Variants in MARCHF10 observed in about 807,000 individuals in gnomAD.
MARCHF10 encodes probable E3 ubiquitin-protein ligase MARCHF10.
A neutral mutation model predicts 76.2 loss-of-function variants in MARCHF10; 64 were observed. The observed-to-expected ratio is 0.84, with a 90% CI of 0.69 to 1.03. The LOEUF is 1.03. MARCHF10 is among the 50% of genes least tolerant of loss of function. MARCHF10 has a pLI of 0.00. For missense variants in MARCHF10, 875 were observed against 958.0 expected (o/e 0.91, Z 1.14); for synonymous variants, 340 against 357.5 (o/e 0.95, Z 0.55).
Position 62,744,431 on chromosome 17 carries a change from G to T in MARCHF10, c.480C>A (p.Asp160Glu), listed in dbSNP as rs779982872. The T allele has an allele frequency of 1.9e-6, 3 of 1,614,046 alleles. No individual in the cohort carries two copies. Among genetic ancestry groups the T allele is most frequent in the Non-Finnish European group, 8.5e-7 (1 of 1,180,050 alleles). ...GCCACTGCTGTTTCTGTCTGCTTCTGTCCCCAGATGCTCTCGGGCTGTGCG... is the reference window on the plus strand; with the variant it reads ...GCCACTGCTGTTTCTGTCTGCTTCTTTCCCCAGATGCTCTCGGGCTGTGCG... ...PESHSPRASGDRSRQKQQWPA... is the reference protein window; with the variant it reads ...PESHSPRASGERSRQKQQWPA... Residue 160 changes from aspartate (D) to glutamate (E), a missense_variant, in exon 5 of 11, where the codon GAC (aspartate) becomes GAA (glutamate). Physicochemically the swap from Asp to Glu is conservative, Grantham distance 45. Transcript: ENST00000311269.
At position 62,711,571 on chromosome 17, in the gene MARCHF10, G is replaced by A. The variant is rs532928776; in HGVS notation, c.2215-227C>T. ...TTTTACTAGCTAGTGGAGGATGCTC[G>A]GAGAAAGTTCCATTTTCCAGGCTCA... On this transcript the variant is annotated intron_variant, in intron 8 of 10. Coordinates refer to ENST00000311269, the MANE Select transcript of MARCHF10 (RefSeq NM_152598.4). This position sits in a 1 kb window ranked among gnomAD's most constrained non-coding sequence, Gnocchi z 4.4. 4.1e-4 allele frequency among the ~76,000 whole-genome samples: 62 copies of A among 152,280 alleles called. 1 individual carries two copies. The highest frequency in any genetic ancestry group is 7.1e-4 in the Non-Finnish European group (48 of 68,014).
In MARCHF10 at chr17:62,711,125, C is replaced by G; in HGVS notation, c.2328+106G>C. 1.2e-6 allele frequency: 1 copy of G among 849,682 alleles called. No individual in the cohort carries two copies. The highest frequency in any genetic ancestry group is 1.5e-5 in the South Asian group (1 of 67,996). The allele number at this position is 849,682 out of a possible 1,614,324, so 52.6% of individuals were successfully genotyped here. ...AGTCCTAACAATGATAGTCCCATATCCTCCCAAGCGACCGTGAGGACCTCA... is the reference window on the plus strand; with the variant it reads ...AGTCCTAACAATGATAGTCCCATATGCTCCCAAGCGACCGTGAGGACCTCA... On this transcript the variant is annotated intron_variant, in intron 9 of 10. Transcript: ENST00000311269. This position sits in a 1 kb window ranked among gnomAD's most constrained non-coding sequence, Gnocchi z 4.4.
chr17:62,739,322 C>T (rs745804880), intron 5 of MARCHF10, among the ~76,000 whole-genome samples: 1 of 151,670 alleles, frequency 6.6e-6, no homozygotes, highest in Non-Finnish European at 1.5e-5. Context: ...TACATAAATA[C>T]ATAAATCAAT....
chr17:62,783,545 C>T (rs2092698475), intron 3 of MARCHF10, among the ~76,000 whole-genome samples: 1 of 151,880 alleles, frequency 6.6e-6, no homozygotes. Flanking sequence ...CTGAAGGAGA[C>T]AGACATACAA....
At chr17:62,781,588 A>C (rs995757042) in intron 3 of MARCHF10, among the ~76,000 whole-genome samples, 3 of 152,186 alleles carry the variant, frequency 2.0e-5, no homozygotes, top group African/African-American at 7.2e-5. Context: ...CTTAGATGAA[A>C]TCCAACTGCT....
chr17:62,742,704 CT>C (rs1236454033), intron 5 of MARCHF10, among the ~76,000 whole-genome samples: 107 of 36,962 alleles, frequency 2.9e-3, no homozygotes, highest in African/African-American at 3.7e-3. Context: ...TTTCTTTTTT[CT>C]TTTTTTTTTT....
At chr17:62,703,118 C>T (rs2089348601) in intron 10 of MARCHF10, among the ~76,000 whole-genome samples, 1 of 152,224 alleles carries the variant, frequency 6.6e-6, no homozygotes, top group Non-Finnish European at 1.5e-5. Flanking sequence ...CTCGGTTTCA[C>T]TTGTGGCATT....
At chr17:62,746,246 C>T (rs576726738) in intron 4 of MARCHF10, among the ~76,000 whole-genome samples, 61 of 152,250 alleles carry the variant, frequency 4.0e-4, no homozygotes, top group Admixed American at 3.9e-3. Context: ...GATCATGCCC[C>T]GCAGGGAACT....
intron 8 of MARCHF10, among the ~76,000 whole-genome samples, chr17:62,713,233 C>G (rs959581917): frequency 2.0e-5 from 3 of 152,212 alleles, no homozygotes; most frequent in African/African-American, 7.2e-5. Context: ...GCCAGTGGTT[C>G]TCTCACCAGT....
intron 3 of MARCHF10, among the ~76,000 whole-genome samples, chr17:62,775,008 C>G (rs1366698593): frequency 1.3e-5 from 2 of 151,732 alleles, no homozygotes; most frequent in African/African-American, 4.8e-5. Flanking sequence ...GAGCTGAGAT[C>G]TTGCCACTGC....
intron 4 of MARCHF10, among the ~76,000 whole-genome samples, chr17:62,751,032 A>G (rs977891417): frequency 3.9e-5 from 6 of 152,214 alleles, no homozygotes; most frequent in Non-Finnish European, 5.9e-5. Flanking sequence ...GAAAGAAAGG[A>G]GAGAGATCCC....
intron 4 of MARCHF10, among the ~76,000 whole-genome samples, chr17:62,753,131 G>C (rs1461171346): frequency 6.6e-6 from 1 of 152,006 alleles, no homozygotes; most frequent in Admixed American, 6.6e-5. Context: ...ATGGAGCCTT[G>C]CTCTGTCGCC....
chr17:62,762,111 G>T (rs1372087262), intron 3 of MARCHF10, among the ~76,000 whole-genome samples: 1 of 152,260 alleles, frequency 6.6e-6, no homozygotes, highest in Non-Finnish European at 1.5e-5. Context: ...CCCCAGCCAG[G>T]GCCGGAATTC....
intron 1 of MARCHF10, among the ~76,000 whole-genome samples, chr17:62,802,892 C>G (rs1318445155): frequency 6.6e-6 from 1 of 152,198 alleles, no homozygotes; most frequent in Admixed American, 6.5e-5. Flanking sequence ...TTCAAAGAGT[C>G]ATGGGAAACT....
chr17:62,705,714 G>A, intron 9 of MARCHF10, 133 bp from the exon 10 acceptor site: 1 of 1,084,038 alleles, frequency 9.2e-7, no homozygotes, highest in Non-Finnish European at 1.3e-6. Flanking sequence ...AATGGGCAGA[G>A]GTGCTGAGGG....
chr17:62,773,592 T>C (rs959328927), intron 3 of MARCHF10, among the ~76,000 whole-genome samples: 1 of 152,142 alleles, frequency 6.6e-6, no homozygotes, highest in African/African-American at 2.4e-5. Flanking sequence ...GGGAAGGCTC[T>C]GGCACAGAGC....
Position 62,701,546 on chromosome 17 carries a change from G to A in MARCHF10, c.*157C>T. ...GCTGTGGCTGCCCATAGATGCTCAA[G>A]CCAGACCCCAAAAGAGAGTGGCACG... On this transcript the variant is annotated 3_prime_UTR_variant, in exon 11 of 11. Transcript: ENST00000311269. 6.6e-7 allele frequency: 1 copy of A among 1,518,774 alleles called. No individual in the cohort carries two copies. The highest frequency in any genetic ancestry group is 1.2e-5 in the South Asian group (1 of 81,204). The allele number at this position is 1,518,774 out of a possible 1,614,324, so 94.1% of individuals were successfully genotyped here. A position where few individuals can be genotyped will look rare whatever the true frequency, so the allele number is the denominator to read the frequency against.
intron 6 of MARCHF10, among the ~76,000 whole-genome samples, chr17:62,729,588 A>T (rs943633122): frequency 1.3e-5 from 2 of 149,210 alleles, no homozygotes; most frequent in East Asian, 3.9e-4. Flanking sequence ...AAATATATAT[A>T]TATTTTTAGA....
At position 62,744,397 on chromosome 17, in the gene MARCHF10, C is replaced by T. The variant is rs1163300163; in HGVS notation, c.514G>A (p.Val172Met). 1.2e-6 allele frequency: 2 copies of T among 1,613,980 alleles called. No homozygotes were observed. The highest frequency in any genetic ancestry group is 1.7e-6 in the Non-Finnish European group (2 of 1,180,032). ...SRQKQQWPAK[V>M]PVPRGADQVV... The stretch of plus-strand genomic sequence containing the variant: ...TTACCTGCTCCCCTGGGAACCGGCA[C>T]CTTTGCAGGCCACTGCTGTTTCTGT... Residue 172 changes from valine to methionine, a missense_variant, in exon 5 of 11, where the codon GTG (valine) becomes ATG (methionine). By Grantham distance (21) the Val-to-Met change is conservative. Transcript: ENST00000311269.
Sources: gnomAD v4.1 joint callset for allele counts (sites outside exome capture counted in the v4.1 genomes callset) on GRCh38, gnomAD v4.1.1 for gene constraint, Gnocchi (gnomAD v3.1) non-coding constraint, MANE v1.5 for transcripts, NCBI Gene and HGNC (gene_info 2026-07-23, HGNC 2026-07-21) for gene names.